AGMO: variants seen among roughly 807,000 people sequenced by gnomAD.
AGMO encodes glyceryl-ether monooxygenase.
AGMO carries 75 observed loss-of-function variants against 60.2 expected under a neutral mutation model. That is an observed-to-expected ratio of 1.25 (90% CI 1.03 to 1.51). The LOEUF (loss-of-function observed/expected upper bound fraction) is 1.51. Ranked by LOEUF, AGMO falls within the 40% of genes most tolerant of loss-of-function variation. AGMO has a pLI of 0.00. For missense variants in AGMO, 763 were observed against 525.5 expected (o/e 1.45, Z -4.42); for synonymous variants, 261 against 177.1 (o/e 1.47, Z -3.76).
chr7:15,279,058 G>A (rs1362539307), intron 12 of AGMO, among the ~76,000 whole-genome samples: 1 of 152,094 alleles, frequency 6.6e-6, no homozygotes, highest in African/African-American at 2.4e-5. Flanking sequence ...GGTTGCTTGG[G>A]GAACAAAAAC....
the AGMO span, among the ~76,000 whole-genome samples, chr7:15,187,781 G>A: frequency 5.3e-5 from 8 of 152,110 alleles, no homozygotes; most frequent in African/African-American, 1.7e-4. Context: ...GAGGAGAAGA[G>A]TCAAGAAAGG....
chr7:15,322,491 T>TAA (rs1781147236), intron 12 of AGMO, among the ~76,000 whole-genome samples: 3 of 89,824 alleles, frequency 3.3e-5, no homozygotes, highest in Admixed American at 1.9e-4. Context: ...TATATAAATA[T>TAA]ATATAAATAT....
intron 12 of AGMO, among the ~76,000 whole-genome samples, chr7:15,333,097 C>G (rs990206748): frequency 6.6e-6 from 1 of 152,098 alleles, no homozygotes; most frequent in African/African-American, 2.4e-5. Flanking sequence ...ATATCCTGCG[C>G]TAATGTGATG....
At chr7:15,317,754 T>C (rs930961369) in intron 12 of AGMO, among the ~76,000 whole-genome samples, 2 of 151,758 alleles carry the variant, frequency 1.3e-5, no homozygotes, top group Non-Finnish European at 2.9e-5. Flanking sequence ...AAACAATTTG[T>C]CACACAATAA....
In AGMO at chr7:15,387,542, T is replaced by C; in HGVS notation, c.823-2A>G. The C allele has an allele frequency of 6.3e-7, 1 of 1,589,130 alleles. No homozygotes were observed. Among genetic ancestry groups the C allele is most frequent in the African/African-American group, 1.5e-5 (1 of 65,746 alleles). Reference sequence around the variant, plus strand: ...CCATATGGAAAATAAGTGATGGAACTAGAAACAATAAAAAAAGAGCTTATT... The same window carrying C: ...CCATATGGAAAATAAGTGATGGAACCAGAAACAATAAAAAAAGAGCTTATT... On this transcript the variant is annotated splice_acceptor_variant, in intron 8 of 12. Coordinates refer to ENST00000342526, the MANE Select transcript of AGMO (RefSeq NM_001004320.2). LOFTEE classifies it high-confidence loss of function.
At chr7:15,299,554 G>A (rs1037434467) in intron 12 of AGMO, among the ~76,000 whole-genome samples, 2 of 152,056 alleles carry the variant, frequency 1.3e-5, no homozygotes, top group Non-Finnish European at 2.9e-5. Context: ...GGCCAGGTGC[G>A]GTGGCTCATG....
chr7:15,286,457 C>G (rs1465744192), intron 12 of AGMO, among the ~76,000 whole-genome samples: 3 of 151,932 alleles, frequency 2.0e-5, no homozygotes, highest in Non-Finnish European at 4.4e-5. Flanking sequence ...AAATGGCCAA[C>G]AAATATATCA....
chr7:15,448,110 T>C (rs1283620334), intron 3 of AGMO, among the ~76,000 whole-genome samples: 1 of 152,198 alleles, frequency 6.6e-6, no homozygotes, highest in African/African-American at 2.4e-5. Flanking sequence ...GCAACAGACC[T>C]AATCCTTTGA....
At chr7:15,155,233 C>T in the AGMO span, among the ~76,000 whole-genome samples, 1 of 151,984 alleles carries the variant, frequency 6.6e-6, no homozygotes, top group African/African-American at 2.4e-5. Context: ...TCAGGAATAC[C>T]AATGAGTCTC....
Position 15,497,268 on chromosome 7 carries a change from T to C in AGMO, c.409+47504A>G, listed in dbSNP as rs115633681. Among the ~76,000 whole-genome samples the C allele has an allele frequency of 9.3e-4, 141 of 152,168 alleles. 2 individuals carry two copies. Among genetic ancestry groups the C allele is most frequent in the African/African-American group, 3.2e-3 (133 of 41,570 alleles). ...GTTATATATTTTGGTAAGGGTTTCA[T>C]GATACAGGCAAGATTTGAACAGTGA... is the stretch of plus-strand genomic sequence containing the variant. On this transcript the variant is annotated intron_variant, in intron 3 of 12. Coordinates refer to ENST00000342526, the MANE Select transcript of AGMO (RefSeq NM_001004320.2).
Position 15,247,885 on chromosome 7 carries a change from T to G in AGMO, c.1264-46526A>C, listed in dbSNP as rs1485293016. ...CCAAATGACAACTCAAAAGGCTCTCTGATAGAAGAGTGCATAAAGTACACA... is the reference window on the plus strand; with the variant it reads ...CCAAATGACAACTCAAAAGGCTCTCGGATAGAAGAGTGCATAAAGTACACA... On this transcript the variant is annotated intron_variant, in intron 12 of 12. Transcript: ENST00000342526. Among the ~76,000 whole-genome samples, 3 of 151,924 alleles carry G rather than the reference T, an allele frequency of 2.0e-5. No individual in the cohort carries two copies. In the East Asian group the frequency reaches 5.9e-4, roughly 30 times the overall value.
At chr7:15,382,993 C>A (rs1783755802) in intron 10 of AGMO, among the ~76,000 whole-genome samples, 1 of 151,636 alleles carries the variant, frequency 6.6e-6, no homozygotes, top group Non-Finnish European at 1.5e-5. Flanking sequence ...TAATCTATCA[C>A]CTCAATTTTT....
rs112212076 is a variant in AGMO, at chr7:15,304,073, T to G, written c.1263+61441A>C. 7.4e-3 allele frequency among the ~76,000 whole-genome samples: 1,132 copies of G among 152,256 alleles called. 8 individuals carry two copies. Among genetic ancestry groups the G allele is most frequent in the African/African-American group, 0.025 (1,059 of 41,558 alleles). ...TTTTCAGTCCTTTTACATATAACAATGCCACGTCAATGCCTTTATGCAATG... is the reference window on the plus strand; with the variant it reads ...TTTTCAGTCCTTTTACATATAACAAGGCCACGTCAATGCCTTTATGCAATG... On this transcript the variant is annotated intron_variant, in intron 12 of 12. Coordinates refer to ENST00000342526, the MANE Select transcript of AGMO (RefSeq NM_001004320.2).
intron 12 of AGMO, among the ~76,000 whole-genome samples, chr7:15,360,685 G>A (rs1782717908): frequency 6.6e-6 from 1 of 151,776 alleles, no homozygotes; most frequent in African/African-American, 2.4e-5. Flanking sequence ...CGGAGAGACA[G>A]GCACACTTAG....
chr7:15,377,235 G>T (rs1783491614), intron 10 of AGMO, among the ~76,000 whole-genome samples: 1 of 152,026 alleles, frequency 6.6e-6, no homozygotes. Context: ...TCTCAGCAAA[G>T]AAAAACACAT....
At chr7:15,402,066 T>C (rs1430512962) in intron 5 of AGMO, among the ~76,000 whole-genome samples, 1 of 152,146 alleles carries the variant, frequency 6.6e-6, no homozygotes, top group Non-Finnish European at 1.5e-5. Context: ...ACATTTATTA[T>C]CTGATATGAA....
At chr7:15,457,087 T>G (rs1782017417) in intron 3 of AGMO, among the ~76,000 whole-genome samples, 1 of 152,176 alleles carries the variant, frequency 6.6e-6, no homozygotes, top group Admixed American at 6.5e-5. Flanking sequence ...TAGTGTAATA[T>G]TCAGTATTCA....
At chr7:15,462,826 T>C (rs1256235262) in intron 3 of AGMO, among the ~76,000 whole-genome samples, 4 of 151,856 alleles carry the variant, frequency 2.6e-5, no homozygotes, top group Non-Finnish European at 5.9e-5. Context: ...GAAAGAAAAA[T>C]GAGTCAGTGA....
chr7:15,478,867 C>A (rs1782668631), intron 3 of AGMO, among the ~76,000 whole-genome samples: 1 of 152,060 alleles, frequency 6.6e-6, no homozygotes, highest in Admixed American at 6.6e-5. Context: ...AAAATATACA[C>A]CCCAGATAAT....
Sources: gnomAD v4.1 joint callset for allele counts (sites outside exome capture counted in the v4.1 genomes callset) on GRCh38, gnomAD v4.1.1 for gene constraint, MANE v1.5 for transcripts, NCBI Gene and HGNC (gene_info 2026-07-23, HGNC 2026-07-21) for gene names.